Variants in CNBD1 observed in about 807,000 individuals in gnomAD.
The protein encoded by CNBD1 is cyclic nucleotide-binding domain-containing protein 1.
In CNBD1, 71 loss-of-function variants were observed where a neutral mutation model predicts 54.4. That is an observed-to-expected ratio of 1.30 (90% CI 1.08 to 1.59). CNBD1 has a LOEUF of 1.59. Among genes scored for constraint, CNBD1 ranks in the 40% most tolerant of loss-of-function variants. CNBD1 has a pLI of 0.00. For missense variants in CNBD1, 659 were observed against 518.0 expected, an observed-to-expected ratio of 1.27 and a Z score of -2.64; for synonymous variants, 182 against 170.7, an observed-to-expected ratio of 1.07 and a Z score of -0.51.
At chr8:87,313,593 T>C (rs1809315493) in intron 8 of CNBD1, among the ~76,000 whole-genome samples, 1 of 151,964 alleles carries the variant, frequency 6.6e-6, no homozygotes, top group Admixed American at 6.6e-5. Context: ...CAACCACTCA[T>C]TCTGTGTCCT....
chr8:87,042,097 A>G (rs1283304150), intron 4 of CNBD1, among the ~76,000 whole-genome samples: 1 of 152,224 alleles, frequency 6.6e-6, no homozygotes, highest in African/African-American at 2.4e-5. Flanking sequence ...AAGAGAGTTA[A>G]AGTTACTGCT....
intron 2 of CNBD1, among the ~76,000 whole-genome samples, chr8:87,394,261 T>A (rs1428493779): frequency 6.6e-6 from 1 of 151,852 alleles, no homozygotes; most frequent in African/African-American, 2.4e-5. Context: ...CGTTGCTAAA[T>A]ATCAAGTAAT....
intron 10 of CNBD1, among the ~76,000 whole-genome samples, chr8:87,366,625 T>A (rs986111115): frequency 1.3e-5 from 2 of 152,048 alleles, no homozygotes; most frequent in African/African-American, 4.8e-5. Flanking sequence ...TATAACATAA[T>A]CACAGGAGTA....
intron 8 of CNBD1, among the ~76,000 whole-genome samples, chr8:87,328,551 T>C (rs1235034115): frequency 6.6e-6 from 1 of 151,946 alleles, no homozygotes; most frequent in Non-Finnish European, 1.5e-5. Context: ...CTATGAGGAC[T>C]TCTTCTTTTT....
intron 3 of CNBD1, among the ~76,000 whole-genome samples, chr8:86,925,075 G>C (rs1809335681): frequency 6.6e-6 from 1 of 152,148 alleles, no homozygotes; most frequent in Non-Finnish European, 1.5e-5. Context: ...TATTATAAGA[G>C]ATGACAGGAT....
At chr8:87,387,809 T>C (rs1811222146), downstream of CNBD1, among the ~76,000 whole-genome samples, 1 of 152,200 alleles carries the variant, frequency 6.6e-6, no homozygotes, top group Non-Finnish European at 1.5e-5. Context: ...ATACATTCTT[T>C]TCAGCACCAC....
At chr8:87,277,084 A>T (rs1202852800) in intron 6 of CNBD1, among the ~76,000 whole-genome samples, 2 of 151,572 alleles carry the variant, frequency 1.3e-5, no homozygotes, top group East Asian at 3.9e-4. Context: ...ATATATATAT[A>T]TACACATATT....
At chr8:87,161,156 C>T (rs76101648) in intron 4 of CNBD1, among the ~76,000 whole-genome samples, 2,557 of 152,172 alleles carry the variant, frequency 0.017, 87 homozygotes, top group African/African-American at 0.06. Flanking sequence ...TCTGTCATTT[C>T]CTGGGATATG....
intron 6 of CNBD1, among the ~76,000 whole-genome samples, chr8:87,238,494 C>T (rs1210891423): frequency 6.6e-6 from 1 of 152,216 alleles, no homozygotes; most frequent in East Asian, 1.9e-4. Flanking sequence ...TTTTGTGTAT[C>T]AAGGCTTTAA....
chr8:87,116,296 G>A (rs1419992340), intron 4 of CNBD1, among the ~76,000 whole-genome samples: 1 of 148,634 alleles, frequency 6.7e-6, no homozygotes, highest in Non-Finnish European at 1.5e-5. Flanking sequence ...CAAGATCCTG[G>A]GCTCAAGTGA....
At chr8:87,351,574 C>T in intron 8 of CNBD1, 111 bp from the exon 9 acceptor site, 1 of 1,014,132 alleles carries the variant, frequency 9.9e-7, no homozygotes, top group Non-Finnish European at 1.3e-6. Flanking sequence ...TATTAAGAAA[C>T]TTACTATTAA....
At chr8:87,425,116 C>T (rs1462020996) in intron 2 of CNBD1, among the ~76,000 whole-genome samples, 2 of 152,128 alleles carry the variant, frequency 1.3e-5, no homozygotes, top group Non-Finnish European at 2.9e-5. Context: ...ATCGCATCGG[C>T]TCCTGAGGCT....
chr8:87,384,994 A>G (rs1360073297), downstream of CNBD1, among the ~76,000 whole-genome samples: 1 of 152,192 alleles, frequency 6.6e-6, no homozygotes, highest in East Asian at 1.9e-4. Flanking sequence ...ATGAAACAGA[A>G]AGGCATGAGA....
intron 1 of CNBD1, among the ~76,000 whole-genome samples, chr8:86,873,179 G>T (rs779769573): frequency 6.7e-6 from 1 of 150,358 alleles, no homozygotes; most frequent in African/African-American, 2.4e-5. Context: ...TTGGTTCACC[G>T]TAACTTCTGC....
At chr8:87,026,807 C>T (rs537198996) in intron 4 of CNBD1, among the ~76,000 whole-genome samples, 10 of 152,116 alleles carry the variant, frequency 6.6e-5, no homozygotes, top group Non-Finnish European at 1.3e-4. Flanking sequence ...CCCAATAACT[C>T]AGGAAGTTCA....
intron 4 of CNBD1, among the ~76,000 whole-genome samples, chr8:87,052,993 C>A (rs1159748547): frequency 7.0e-6 from 1 of 142,314 alleles, no homozygotes; most frequent in African/African-American, 2.7e-5. Context: ...GCTGGAATGG[C>A]CGATGATATA....
chr8:87,293,699 A>G (rs2130876625), intron 8 of CNBD1, among the ~76,000 whole-genome samples: 1 of 152,342 alleles, frequency 6.6e-6, no homozygotes, highest in African/African-American at 2.4e-5. Context: ...TCAAAATATG[A>G]TGTCTTAAAA....
At chr8:86,910,113 A>G (rs190761226) in intron 3 of CNBD1, among the ~76,000 whole-genome samples, 3 of 152,264 alleles carry the variant, frequency 2.0e-5, no homozygotes, top group African/African-American at 7.2e-5. Context: ...GAATTAGTCC[A>G]GGCTTTTAGT....
intron 2 of CNBD1, among the ~76,000 whole-genome samples, chr8:87,407,918 G>T (rs537005294): frequency 6.6e-5 from 10 of 151,878 alleles, no homozygotes; most frequent in African/African-American, 2.4e-4. Flanking sequence ...TCTCCCTTTT[G>T]AGTTGGCTTT....
Sources: gnomAD v4.1 joint callset for allele counts (sites outside exome capture counted in the v4.1 genomes callset) on GRCh38, gnomAD v4.1.1 for gene constraint, MANE v1.5 for transcripts, NCBI Gene and HGNC (gene_info 2026-07-23, HGNC 2026-07-21) for gene names.